PATJ: variants seen among roughly 807,000 people sequenced by gnomAD.
PATJ encodes the protein PATJ crumbs cell polarity complex component, also known as inaD-like protein.
A neutral mutation model predicts 224.9 loss-of-function variants in PATJ; 190 were observed. The observed-to-expected ratio is 0.84, with a 90% CI of 0.75 to 0.95. PATJ has a LOEUF of 0.95. Among genes scored for constraint, PATJ ranks in the 40% least tolerant of loss-of-function variants. The probability of loss-of-function intolerance (pLI) is 0.00; values close to 1 mark genes in which losing one functional copy is unlikely to be tolerated. For missense variants in PATJ, 2,121 were observed against 2,270.3 expected, an observed-to-expected ratio of 0.93 and a Z score of 1.34; for synonymous variants, 769 against 820.3, an observed-to-expected ratio of 0.94 and a Z score of 1.07.
At chr1:62,024,093 G>A (rs1647301818) in intron 29 of PATJ, among the ~76,000 whole-genome samples, 1 of 152,092 alleles carries the variant, frequency 6.6e-6, no homozygotes, top group African/African-American at 2.4e-5. Context: ...TGCTGAATTC[G>A]GTTTGCTAAT....
intron 27 of PATJ, among the ~76,000 whole-genome samples, chr1:61,950,741 A>G (rs1188997601): frequency 6.6e-6 from 1 of 152,224 alleles, no homozygotes; most frequent in Admixed American, 6.5e-5. Context: ...GTTTTTGGCA[A>G]TGCAAAATAG....
chr1:62,010,220 C>A (rs2148318578), intron 28 of PATJ, among the ~76,000 whole-genome samples: 1 of 152,186 alleles, frequency 6.6e-6, no homozygotes, highest in African/African-American at 2.4e-5. Context: ...GATTCTAGTT[C>A]TCTGTCCATT....
chr1:62,144,278 C>T (rs1188069088), intron 41 of PATJ, among the ~76,000 whole-genome samples: 1 of 151,968 alleles, frequency 6.6e-6, no homozygotes, highest in African/African-American at 2.4e-5. Flanking sequence ...AGTGGTACTT[C>T]CAGAAGATTC....
chr1:62,009,975 GAGGAAGCTGAGGC>G (rs1646333323), intron 28 of PATJ, among the ~76,000 whole-genome samples: 1 of 150,968 alleles, frequency 6.6e-6, no homozygotes, highest in Non-Finnish European at 1.5e-5. Context: ...CCCAGCTACT[GAGGAAGCTGAGGC>G]AGGAGAATCG....
chr1:62,046,660 G>T (rs925412155), intron 30 of PATJ, among the ~76,000 whole-genome samples: 1 of 152,190 alleles, frequency 6.6e-6, no homozygotes, highest in South Asian at 2.1e-4. Context: ...GCATAATTAG[G>T]ATACAAAAGA....
chr1:61,984,143 C>T lies in PATJ; in HGVS notation c.3671-6025C>T, dbSNP rs144860772. Among the ~76,000 whole-genome samples the T allele has an allele frequency of 4.3e-3, 631 of 145,496 alleles. 12 individuals carry two copies. Among genetic ancestry groups the T allele is most frequent in the African/African-American group, 0.015 (579 of 39,056 alleles). ...AATAAAATTGTATAACTATGAAATA[C>T]GCTCAATTATTATTATTATTATTTT... On this transcript the variant is annotated intron_variant, in intron 27 of 43. Coordinates refer to ENST00000642238, the MANE Select transcript of PATJ (RefSeq NM_001350145.3).
chr1:62,064,121 G>A (rs1656006986), intron 31 of PATJ, among the ~76,000 whole-genome samples: 1 of 152,144 alleles, frequency 6.6e-6, no homozygotes, highest in South Asian at 2.1e-4. Context: ...CAATCAATAT[G>A]TTGGCTGTGA....
At chr1:61,878,598 C>G (rs2149044459) in intron 21 of PATJ, among the ~76,000 whole-genome samples, 1 of 151,768 alleles carries the variant, frequency 6.6e-6, no homozygotes, top group South Asian at 2.1e-4. Context: ...AATTCTAGCA[C>G]TTTGGGAGGC....
intron 28 of PATJ, among the ~76,000 whole-genome samples, chr1:62,008,559 C>A (rs1646236293): frequency 6.6e-6 from 1 of 151,844 alleles, no homozygotes; most frequent in Non-Finnish European, 1.5e-5. Flanking sequence ...GAGTTCAAGA[C>A]CAGCCTGGGT....
At chr1:62,101,788 C>A (rs1662211032) in intron 33 of PATJ, among the ~76,000 whole-genome samples, 1 of 152,154 alleles carries the variant, frequency 6.6e-6, no homozygotes, top group African/African-American at 2.4e-5. Flanking sequence ...TCCTGTCTGA[C>A]CCTTCTGGCT....
At chr1:62,067,116 A>G (rs979418597) in intron 31 of PATJ, among the ~76,000 whole-genome samples, 2 of 131,914 alleles carry the variant, frequency 1.5e-5, no homozygotes, top group African/African-American at 6.4e-5. Flanking sequence ...CATAATTCCT[A>G]TTCTTTCTTT....
intron 17 of PATJ, among the ~76,000 whole-genome samples, chr1:61,838,187 A>G (rs4456122): frequency 0.62 from 94,209 of 151,902 alleles, 30,404 homozygotes; most frequent in East Asian, 0.83. Flanking sequence ...TGTTAGTCTC[A>G]AATACGCCTA....
intron 28 of PATJ, among the ~76,000 whole-genome samples, chr1:62,007,579 C>T (rs995789737): frequency 5.9e-5 from 9 of 152,336 alleles, no homozygotes; most frequent in African/African-American, 2.2e-4. Context: ...GAAACCATAT[C>T]AATGAATACT....
intron 31 of PATJ, chr1:62,073,311 C>G: frequency 1.0e-6 from 1 of 985,320 alleles, no homozygotes; most frequent in Non-Finnish European, 1.2e-6. Context: ...TGTCCCAACC[C>G]CCTAAACAGA....
Position 62,086,346 on chromosome 1 carries a change from T to C in PATJ, c.4377+1698T>C, listed in dbSNP as rs962214266. Among the ~76,000 whole-genome samples the C allele has an allele frequency of 6.6e-6, 1 of 151,972 alleles. No individual in the cohort carries two copies. The highest frequency in any genetic ancestry group is 1.5e-5 in the Non-Finnish European group (1 of 68,010). ...TGTAATACCTGCATCTTATACAAAG[T>C]TAAGTTGCCATAAAAGGAAAAAAGT... is the stretch of plus-strand genomic sequence containing the variant. On this transcript the variant is annotated intron_variant, in intron 33 of 43. Transcript: ENST00000642238. The surrounding 1 kb of genome is among the most constrained non-coding windows in gnomAD (Gnocchi z 4.0).
intron 29 of PATJ, among the ~76,000 whole-genome samples, chr1:62,031,942 G>A (rs201767416): frequency 6.6e-6 from 1 of 152,060 alleles, no homozygotes; most frequent in Non-Finnish European, 1.5e-5. Context: ...TTATATTTCC[G>A]GTGACCATGT....
chr1:62,063,410 A>G (rs547585501), intron 31 of PATJ, among the ~76,000 whole-genome samples: 2 of 152,038 alleles, frequency 1.3e-5, no homozygotes, highest in South Asian at 4.2e-4. Flanking sequence ...TATTATAGCT[A>G]TATAGTATAG....
Position 62,017,927 on chromosome 1 carries a change from G to A in PATJ, c.3939G>A (p.Lys1313=), listed in dbSNP as rs34726576. 0.22 allele frequency: 360,135 copies of A among 1,604,178 alleles called. 44,781 individuals are homozygous for A. Among genetic ancestry groups the A allele is most frequent in the Middle Eastern group, 0.26 (1,563 of 6,032 alleles). The change falls in exon 29 of 44, where the codon AAG becomes AAA. Residue 1313 remains lysine (K), a synonymous_variant. Transcript: ENST00000642238. ...ASAIIKTAPS[K]VKLVFIRNED... ...CCATTATTAAGACTGCCCCATCAAA[G>A]GTCAAGCTGGTTTTCATCAGGTAAG...
chr1:62,012,697 CTT>C (rs10544585), intron 28 of PATJ, among the ~76,000 whole-genome samples: 23,164 of 151,968 alleles, frequency 0.15, 2,166 homozygotes, highest in Non-Finnish European at 0.22. Flanking sequence ...AGCTGTATAA[CTT>C]TTATTTAAAT....
Sources: allele counts gnomAD v4.1 joint callset (sites outside exome capture counted in the v4.1 genomes callset), GRCh38; gene constraint gnomAD v4.1.1; non-coding constraint Gnocchi (gnomAD v3.1); transcripts MANE v1.5; gene names NCBI Gene and HGNC (gene_info 2026-07-23, HGNC 2026-07-21).